Variants in UNC13C observed in about 807,000 individuals in gnomAD.
The protein encoded by UNC13C is unc-13 homolog C, also known as protein unc-13 homolog C.
A neutral mutation model predicts 245.4 loss-of-function variants in UNC13C; 174 were observed. The ratio of observed to expected loss-of-function variants is 0.71; its 90% CI spans 0.63 to 0.80. The LOEUF is 0.80. Among genes scored for constraint, UNC13C ranks in the 30% least tolerant of loss-of-function variants. The pLI is 0.00. For synonymous variants in UNC13C, 992 were observed against 895.1 expected, an observed-to-expected ratio of 1.11 and a Z score of -1.93; for missense variants, 2,829 against 2,602.9, an observed-to-expected ratio of 1.09 and a Z score of -1.89.
chr15:54,471,771 A>T (rs1370647061), intron 19 of UNC13C, among the ~76,000 whole-genome samples: 1 of 151,580 alleles, frequency 6.6e-6, no homozygotes, highest in East Asian at 1.9e-4. Context: ...TGTCTGTTTG[A>T]TGTAGTTCAA....
rs1485659580 is a variant in UNC13C, at chr15:54,279,962, C to A, written c.3819-13933C>A. On this transcript the variant is annotated intron_variant, in intron 10 of 32. Transcript: ENST00000260323. ...CAGCAAATATTAAACAGTAAAAATT[C>A]TTAGTGTTAATGAGAGTACAGAGAA... 4.6e-5 allele frequency among the ~76,000 whole-genome samples: 7 copies of A among 152,146 alleles called. No homozygotes were observed. The East Asian group carries it at 9.7e-4, about 21-fold the overall frequency.
chr15:53,953,779 T>A, the UNC13C span, among the ~76,000 whole-genome samples: 1 of 152,264 alleles, frequency 6.6e-6, no homozygotes, highest in Non-Finnish European at 1.5e-5. Flanking sequence ...TGATTCCCTG[T>A]TAAATTGCCT....
chr15:54,026,622 A>T (rs1043471873), intron 2 of UNC13C, among the ~76,000 whole-genome samples: 2 of 152,148 alleles, frequency 1.3e-5, no homozygotes, highest in East Asian at 3.9e-4. Context: ...AGAAATACTT[A>T]ATAGTTGATA....
intron 2 of UNC13C, among the ~76,000 whole-genome samples, chr15:54,021,070 A>G (rs1180544285): frequency 6.6e-6 from 1 of 152,194 alleles, no homozygotes; most frequent in Non-Finnish European, 1.5e-5. Context: ...TTAATCGACA[A>G]TAACAATTGT....
intron 2 of UNC13C, among the ~76,000 whole-genome samples, chr15:54,080,001 G>A (rs1331789306): frequency 3.9e-5 from 2 of 51,314 alleles, no homozygotes; most frequent in East Asian, 7.6e-4. Context: ...CTGGTTTGTC[G>A]AGCGGTTTTT....
chr15:54,362,092 GTGGCATCCATGC>G (rs1363263027), intron 17 of UNC13C, among the ~76,000 whole-genome samples: 1 of 152,162 alleles, frequency 6.6e-6, no homozygotes, highest in African/African-American at 2.4e-5. Context: ...TCTCCTTACT[GTGGCATCCATGC>G]TGATTAGAGG....
At chr15:54,457,419 T>C (rs1315544203) in intron 19 of UNC13C, among the ~76,000 whole-genome samples, 1 of 152,156 alleles carries the variant, frequency 6.6e-6, no homozygotes, top group Non-Finnish European at 1.5e-5. Context: ...ACTTCTTCTT[T>C]CTCTATCTTT....
At chr15:54,458,082 G>A (rs1325414103) in intron 19 of UNC13C, among the ~76,000 whole-genome samples, 7 of 151,784 alleles carry the variant, frequency 4.6e-5, no homozygotes, top group African/African-American at 1.4e-4. Context: ...TTTATTGGTT[G>A]TGTCATAATT....
upstream of UNC13C, among the ~76,000 whole-genome samples, chr15:53,976,456 T>TC (rs1491480915): frequency 1.2e-4 from 6 of 51,976 alleles, no homozygotes; most frequent in Admixed American, 3.3e-4. Context: ...TTTTTTCTTC[T>TC]TTCTCTCTCT....
At chr15:54,266,182 A>G (rs373497877) in intron 10 of UNC13C, among the ~76,000 whole-genome samples, 1 of 151,976 alleles carries the variant, frequency 6.6e-6, no homozygotes, top group Non-Finnish European at 1.5e-5. Flanking sequence ...TCTCATTACC[A>G]TGGTAGGTAA....
chr15:54,126,678 G>A (rs1380545442), intron 2 of UNC13C, among the ~76,000 whole-genome samples: 2 of 152,104 alleles, frequency 1.3e-5, no homozygotes, highest in African/African-American at 4.8e-5. Context: ...AACACCAAAA[G>A]CGATGGCAAC....
chr15:53,900,980 G>A, the UNC13C span, among the ~76,000 whole-genome samples: 12 of 151,854 alleles, frequency 7.9e-5, no homozygotes, highest in East Asian at 1.5e-3. Context: ...TAAAAGTTTG[G>A]TATGTATTTT....
the UNC13C span, among the ~76,000 whole-genome samples, chr15:53,846,348 C>G: frequency 2.2e-4 from 33 of 152,118 alleles, no homozygotes; most frequent in African/African-American, 8.0e-4. Context: ...TTTGGTAAAT[C>G]AAGTTCAATT....
At position 54,013,833 on chromosome 15, in the gene UNC13C, G is replaced by C. The variant is rs1444527286; in HGVS notation, c.930G>C (p.Lys310Asn). The change falls in exon 2 of 33, where the codon AAG (lysine) becomes AAC (asparagine). Residue 310 changes from lysine (K) to asparagine (N), a missense_variant. Transcript: ENST00000260323. ...RETRDIHDYIKHLGHMGSKAS... is the reference protein window; with the variant it reads ...RETRDIHDYINHLGHMGSKAS... Reference sequence around the variant, plus strand: ...CTAGAGACATCCATGATTATATTAAGCACTTAGGTCATATGGGTAGCAAGG... The same window carrying C: ...CTAGAGACATCCATGATTATATTAACCACTTAGGTCATATGGGTAGCAAGG... 1.2e-6 allele frequency: 2 copies of C among 1,612,934 alleles called. No homozygotes were observed. The highest frequency in any genetic ancestry group is 2.7e-5 in the African/African-American group (2 of 74,776).
chr15:54,143,965 A>G (rs749463528), intron 4 of UNC13C, among the ~76,000 whole-genome samples: 14 of 152,308 alleles, frequency 9.2e-5, no homozygotes, highest in Middle Eastern at 6.8e-3. Flanking sequence ...CCCAAATAGA[A>G]TCACAAAATT....
At chr15:54,240,265 G>T (rs1486414267) in intron 7 of UNC13C, among the ~76,000 whole-genome samples, 1 of 152,090 alleles carries the variant, frequency 6.6e-6, no homozygotes, top group Non-Finnish European at 1.5e-5. Context: ...AAAAGTAAAT[G>T]AACTATGACT....
At chr15:53,983,146 G>T (rs753902533) in intron 1 of UNC13C, among the ~76,000 whole-genome samples, 1 of 152,112 alleles carries the variant, frequency 6.6e-6, no homozygotes, top group African/African-American at 2.4e-5. Context: ...AGATGTTGAA[G>T]TACTGCTACT....
At chr15:54,393,897 C>T (rs1197201114) in intron 18 of UNC13C, among the ~76,000 whole-genome samples, 1 of 151,754 alleles carries the variant, frequency 6.6e-6, no homozygotes, top group Admixed American at 6.6e-5. Flanking sequence ...TATTTTACAC[C>T]CACATATTAA....
intron 2 of UNC13C, among the ~76,000 whole-genome samples, chr15:54,131,723 C>A (rs1350017697): frequency 6.6e-6 from 1 of 152,152 alleles, no homozygotes; most frequent in Non-Finnish European, 1.5e-5. Flanking sequence ...CATATCCCCG[C>A]AGGAATAAGG....
Sources: gnomAD v4.1 joint callset for allele counts (sites outside exome capture counted in the v4.1 genomes callset) on GRCh38, gnomAD v4.1.1 for gene constraint, MANE v1.5 for transcripts, NCBI Gene and HGNC (gene_info 2026-07-23, HGNC 2026-07-21) for gene names.